Variants in TLK2 observed in about 807,000 individuals in gnomAD.
The protein encoded by TLK2 is serine/threonine-protein kinase tousled-like 2.
In TLK2, 6 loss-of-function variants were observed where a neutral mutation model predicts 117.3. The observed-to-expected ratio is 0.05, with a 90% CI of 0.03 to 0.10. TLK2 has a LOEUF of 0.10. Ranked by LOEUF, TLK2 falls within the 10% of genes least tolerant of loss-of-function variation. The probability of loss-of-function intolerance (pLI) is 1.00; values close to 1 mark genes in which losing one functional copy is unlikely to be tolerated. For synonymous variants in TLK2, 257 were observed against 316.7 expected (o/e 0.81, Z 2.00); for missense variants, 299 against 901.2 (o/e 0.33, Z 8.56).
At chr17:62,595,030 C>T (rs1046750485) in intron 16 of TLK2, among the ~76,000 whole-genome samples, 3 of 152,142 alleles carry the variant, frequency 2.0e-5, no homozygotes, top group African/African-American at 7.2e-5. Context: ...GGCGCAGTCT[C>T]GCCTCACTGC....
intron 1 of TLK2, among the ~76,000 whole-genome samples, chr17:62,479,598 C>T (rs1235128102): frequency 6.6e-6 from 1 of 152,146 alleles, no homozygotes; most frequent in African/African-American, 2.4e-5. Flanking sequence ...GCCGGCCCTC[C>T]CTTCCTCCGT....
intron 15 of TLK2, among the ~76,000 whole-genome samples, chr17:62,583,369 A>G (rs1484703796): frequency 6.6e-6 from 1 of 152,124 alleles, no homozygotes; most frequent in Non-Finnish European, 1.5e-5. Flanking sequence ...TGCTGGGATT[A>G]TAGGCACAAG....
At chr17:62,499,837 C>T (rs998631528) in intron 2 of TLK2, among the ~76,000 whole-genome samples, 33 of 147,550 alleles carry the variant, frequency 2.2e-4, no homozygotes, top group Non-Finnish European at 3.1e-4. Context: ...GGCGACAGAA[C>T]GAGACTCAGT....
intron 2 of TLK2, among the ~76,000 whole-genome samples, chr17:62,505,761 G>C (rs542681360): frequency 6.2e-4 from 95 of 152,276 alleles, no homozygotes; most frequent in African/African-American, 1.6e-3. Flanking sequence ...GTGCGATCAA[G>C]GCTGACTGCA....
chr17:62,520,671 C>CT (rs2075976147), intron 2 of TLK2, 102 bp from the exon 3 acceptor site: 1 of 1,083,840 alleles, frequency 9.2e-7, no homozygotes, highest in Non-Finnish European at 1.3e-6. Flanking sequence ...CAGTGAAACT[C>CT]TGTCTAAAAA....
At chr17:62,581,556 G>A (rs2081222707) in intron 15 of TLK2, among the ~76,000 whole-genome samples, 2 of 150,546 alleles carry the variant, frequency 1.3e-5, no homozygotes, top group Non-Finnish European at 1.5e-5. Context: ...TCCCATCTCA[G>A]CCTCCCAAAG....
chr17:62,573,178 ACTTT>A (rs772499911), intron 11 of TLK2, 33 bp from the exon 12 acceptor site: 73 of 1,577,110 alleles, frequency 4.6e-5, no homozygotes, highest in South Asian at 4.7e-5. Flanking sequence ...AAAACTTTTG[ACTTT>A]CTTTCTTTGT....
intron 12 of TLK2, among the ~76,000 whole-genome samples, chr17:62,576,363 C>T (rs1386230798): frequency 6.6e-6 from 1 of 152,132 alleles, no homozygotes; most frequent in African/African-American, 2.4e-5. Context: ...TTGTTTTGCC[C>T]TCTAAAAAAT....
At chr17:62,577,443 T>C (rs551790404) in intron 13 of TLK2, among the ~76,000 whole-genome samples, 27 of 152,332 alleles carry the variant, frequency 1.8e-4, no homozygotes, top group Admixed American at 1.4e-3. Flanking sequence ...ACTCCTGTCA[T>C]ATTTCAAATC....
rs1054453746 is a variant in TLK2 at position 62,485,222 on chromosome 17, ATTTTTCAGTAC to A, written c.81+4022_81+4032del. 1.3e-3 allele frequency among the ~76,000 whole-genome samples: 197 copies of A among 152,162 alleles called. 1 individual carries two copies. The highest frequency in any genetic ancestry group is 4.6e-3 in the African/African-American group (190 of 41,500). Reference sequence around the variant, plus strand: ...TGAATTTCTCCTAACTATTCATAACATTTTTCAGTACTTTTTGATGTCCATAGAAGGAAGAA... The same window carrying A: ...TGAATTTCTCCTAACTATTCATAACATTTTTGATGTCCATAGAAGGAAGAA... On this transcript the variant is annotated intron_variant, in intron 2 of 21. Coordinates refer to ENST00000346027, the MANE Select transcript of TLK2 (RefSeq NM_006852.6).
intron 11 of TLK2, among the ~76,000 whole-genome samples, chr17:62,570,445 A>C (rs1204567206): frequency 1.3e-5 from 2 of 152,160 alleles, no homozygotes; most frequent in African/African-American, 2.4e-5. Flanking sequence ...AGGCACTGTT[A>C]ATGCATGCTG....
Position 62,585,394 on chromosome 17 carries a change from C to T in TLK2, c.1369-741C>T, listed in dbSNP as rs138280679. Among the ~76,000 whole-genome samples the T allele has an allele frequency of 2.6e-3, 396 of 152,272 alleles. 2 individuals are homozygous for T. The highest frequency in any genetic ancestry group is 9.0e-3 in the African/African-American group (373 of 41,552). On this transcript the variant is annotated intron_variant, in intron 15 of 21. Transcript: ENST00000346027. ...CTCTACTAAAAATACAAAAATTAGC[C>T]GGGCGTGATGGTGCGTGCCTGTAAT...
intron 11 of TLK2, among the ~76,000 whole-genome samples, chr17:62,566,837 T>C (rs186377483): frequency 6.6e-6 from 1 of 152,370 alleles, no homozygotes; most frequent in African/African-American, 2.4e-5. Context: ...GTAGTCACTC[T>C]GAGCAGCCCT....
chr17:62,513,318 C>CTTTT lies in TLK2; in HGVS notation c.82-7439_82-7436dup, dbSNP rs35309536. Reference sequence around the variant, plus strand: ...CAATTTATGTAATTTATTAAATTGCCTTTTTTTTTTTTTTTTTTTAAAGAG... The same window carrying CTTTT: ...CAATTTATGTAATTTATTAAATTGCCTTTTTTTTTTTTTTTTTTTTTTTAAAGAG... On this transcript the variant is annotated intron_variant, in intron 2 of 21. Coordinates refer to ENST00000346027, the MANE Select transcript of TLK2 (RefSeq NM_006852.6). Among the ~76,000 whole-genome samples, 151 of 99,844 alleles carry CTTTT rather than the reference C, an allele frequency of 1.5e-3. 1 individual carries two copies. The highest frequency in any genetic ancestry group is 4.4e-3 in the African/African-American group (110 of 24,950). 65.5% of individuals were successfully genotyped at this position (99,844 alleles called of 152,430 possible).
At chr17:62,535,347 T>C (rs1012261159) in intron 6 of TLK2, among the ~76,000 whole-genome samples, 2 of 152,236 alleles carry the variant, frequency 1.3e-5, no homozygotes, top group African/African-American at 4.8e-5. Context: ...GAGTTATGCG[T>C]AATTGTGATG....
At chr17:62,534,236 C>G (rs1347824789) in intron 6 of TLK2, among the ~76,000 whole-genome samples, 1 of 152,018 alleles carries the variant, frequency 6.6e-6, no homozygotes, top group Admixed American at 6.6e-5. Context: ...TGAGAGAGAA[C>G]CTAGATGACC....
chr17:62,553,582 C>G, intron 8 of TLK2, 81 bp from the exon 9 acceptor site: 2 of 979,740 alleles, frequency 2.0e-6, no homozygotes, highest in African/African-American at 1.6e-5. Context: ...CCCACCCCCC[C>G]GAGAAAGGTA....
intron 2 of TLK2, among the ~76,000 whole-genome samples, chr17:62,506,157 A>T (rs1239469517): frequency 6.6e-6 from 1 of 152,222 alleles, no homozygotes; most frequent in Non-Finnish European, 1.5e-5. Context: ...ATGTGATTAT[A>T]GGTTAGTAGT....
At chr17:62,600,411 G>T in intron 17 of TLK2, 1 of 411,570 alleles carries the variant, frequency 2.4e-6, no homozygotes, top group Non-Finnish European at 4.3e-6. Flanking sequence ...GTCTGCCATG[G>T]GTGAACTTGA....
Sources: allele counts gnomAD v4.1 joint callset (sites outside exome capture counted in the v4.1 genomes callset), GRCh38; gene constraint gnomAD v4.1.1; transcripts MANE v1.5; gene names NCBI Gene and HGNC (gene_info 2026-07-23, HGNC 2026-07-21).